Variants in SLC16A4 observed in about 807,000 individuals in gnomAD.
SLC16A4 encodes the protein probable monocarboxylate transporter 5.
A neutral mutation model predicts 47.9 loss-of-function variants in SLC16A4; 39 were observed. The ratio of observed to expected loss-of-function variants is 0.81; its 90% CI spans 0.63 to 1.06. The LOEUF is 1.06. Among genes scored for constraint, SLC16A4 ranks in the 50% least tolerant of loss-of-function variants. The pLI, the probability that SLC16A4 is intolerant of heterozygous loss-of-function variation, is 0.00. For missense variants in SLC16A4, 524 were observed against 573.8 expected (o/e 0.91, Z 0.89); for synonymous variants, 189 against 199.9 (o/e 0.95, Z 0.46).
chr1:110,386,329 C>T (rs1233540902), intron 2 of SLC16A4, among the ~76,000 whole-genome samples: 1 of 152,160 alleles, frequency 6.6e-6, no homozygotes, highest in Non-Finnish European at 1.5e-5. Flanking sequence ...AAAATCTCTC[C>T]CAAGGTCTAG....
intron 7 of SLC16A4, among the ~76,000 whole-genome samples, chr1:110,376,216 A>G (rs1661991148): frequency 6.6e-6 from 1 of 152,192 alleles, no homozygotes; most frequent in South Asian, 2.1e-4. Context: ...CTAAGTATCA[A>G]CCATTGGTTT....
At chr1:110,371,751 A>G (rs1661697865) in intron 8 of SLC16A4, 2 of 152,230 alleles carry the variant, frequency 1.3e-5, no homozygotes, top group South Asian at 4.1e-4. Context: ...AACCTGGAAC[A>G]ATCCTAAAAC....
intron 2 of SLC16A4, among the ~76,000 whole-genome samples, chr1:110,385,731 T>C (rs1418200359): frequency 6.6e-6 from 1 of 152,162 alleles, no homozygotes; most frequent in African/African-American, 2.4e-5. Context: ...TTAATATACT[T>C]TTTCCCATTC....
chr1:110,387,432 G>GT (rs892574742), intron 2 of SLC16A4, among the ~76,000 whole-genome samples: 6 of 152,180 alleles, frequency 3.9e-5, no homozygotes, highest in African/African-American at 1.4e-4. Context: ...AAGAACAGTT[G>GT]TAAGTCATAC....
At chr1:110,380,200 A>G (rs1323404191) in intron 5 of SLC16A4, among the ~76,000 whole-genome samples, 2 of 152,214 alleles carry the variant, frequency 1.3e-5, no homozygotes, top group East Asian at 3.9e-4. Context: ...GCGTGTCCTG[A>G]TCAAAGCTAT....
In SLC16A4 at chr1:110,382,937, C is replaced by G. The variant is rs1255140277; in HGVS notation, c.117G>C (p.Lys39Asn). ...AGACCACAAAGAAAATTGCAAAAGT[C>G]TTGGTCATCCCCATCACAAACACAT... ...LVNVFVMGMT[K>N]TFAIFFVVFQ... The change falls in exon 3 of 9, where the codon AAG becomes AAC. Residue 39 changes from lysine (K) to asparagine (N), a missense_variant. Lys to Asn is a moderately conservative substitution (Grantham distance 94, BLOSUM62 0). Coordinates refer to ENST00000369779, the MANE Select transcript of SLC16A4 (RefSeq NM_004696.3). 6.2e-7 allele frequency: 1 copy of G among 1,611,914 alleles called. No individual in the cohort carries two copies. Among genetic ancestry groups the G allele is most frequent in the East Asian group, 2.2e-5 (1 of 44,840 alleles).
chr1:110,384,972 T>C (rs969970911), intron 2 of SLC16A4, among the ~76,000 whole-genome samples: 2 of 152,096 alleles, frequency 1.3e-5, no homozygotes, highest in Non-Finnish European at 2.9e-5. Context: ...GTGATCACAC[T>C]ACTGCACTCC....
Position 110,378,964 on chromosome 1 carries a change from A to G in SLC16A4, c.919T>C (p.Ser307Pro), listed in dbSNP as rs760466820. The change falls in exon 6 of 9, where the codon TCT (serine) becomes CCT (proline). Residue 307 changes from serine (S) to proline (P), a missense_variant. Physicochemically the swap from Ser to Pro is moderately conservative, Grantham distance 74. Coordinates refer to ENST00000369779, the MANE Select transcript of SLC16A4 (RefSeq NM_004696.3). ...RNPFFYIFTWSFLLSQLAYFI... is the reference protein window; with the variant it reads ...RNPFFYIFTWPFLLSQLAYFI... ...TATGCTAACTGACTGAGGAGAAAAG[A>G]CCAAGTAAATATGTAGAAGAAAGGA... The G allele has an allele frequency of 6.2e-7, 1 of 1,614,246 alleles. No homozygotes were observed. Among genetic ancestry groups the G allele is most frequent in the Admixed American group, 1.7e-5 (1 of 60,026 alleles).
chr1:110,374,410 G>A (rs1392284006), intron 8 of SLC16A4, among the ~76,000 whole-genome samples: 1 of 152,114 alleles, frequency 6.6e-6, no homozygotes, highest in African/African-American at 2.4e-5. Flanking sequence ...AATGATAGTA[G>A]GACAAGATTA....
chr1:110,372,388 A>C (rs1166614317), intron 8 of SLC16A4: 1 of 152,202 alleles, frequency 6.6e-6, no homozygotes, highest in Non-Finnish European at 1.5e-5. Flanking sequence ...TGAAGATCTA[A>C]GTTTGGTTGA....
chr1:110,373,153 CTAT>C (rs1661775556), intron 8 of SLC16A4: 1 of 152,050 alleles, frequency 6.6e-6, no homozygotes. Flanking sequence ...GAGTATTGAA[CTAT>C]TTAAACATTT....
chr1:110,374,560 G>A (rs1557905125), intron 8 of SLC16A4, among the ~76,000 whole-genome samples: 1 of 152,182 alleles, frequency 6.6e-6, no homozygotes, highest in Non-Finnish European at 1.5e-5. Flanking sequence ...AGAAACTAAA[G>A]TTTAGGTCTG....
chr1:110,363,766 T>C lies in SLC16A4; in HGVS notation c.1464A>G (p.Ter488TrpextTer16), dbSNP rs1661208635. The change falls in exon 9 of 9, where the codon TGA becomes TGG. Residue 488 changes from the stop codon to tryptophan, a stop_lost. Coordinates refer to ENST00000369779, the MANE Select transcript of SLC16A4 (RefSeq NM_004696.3). ...LAERWKNSLT[*>W] ...TCACTTGATTGCAGTCTTCTTTCTT[T>C]CAGGTCAGACTGTTTTTCCATCTTT... is the stretch of plus-strand genomic sequence containing the variant. The C allele has an allele frequency of 3.1e-6, 5 of 1,602,526 alleles. No homozygotes were observed. In the East Asian group the frequency reaches 1.1e-4, roughly 36 times the overall value.
At chr1:110,386,210 T>G (rs1376752243) in intron 2 of SLC16A4, among the ~76,000 whole-genome samples, 1 of 152,224 alleles carries the variant, frequency 6.6e-6, no homozygotes, top group Non-Finnish European at 1.5e-5. Context: ...TGAGTCCGTG[T>G]CCACTATGTA....
chr1:110,380,074 G>C (rs989729963), intron 5 of SLC16A4, among the ~76,000 whole-genome samples: 1 of 75,468 alleles, frequency 1.3e-5, no homozygotes. Flanking sequence ...AAAAAAAAAA[G>C]CAGCGGGAGG....
intron 8 of SLC16A4, among the ~76,000 whole-genome samples, chr1:110,365,868 C>T (rs1218041347): frequency 6.6e-6 from 1 of 152,170 alleles, no homozygotes; most frequent in Non-Finnish European, 1.5e-5. Context: ...GTAGACAGTG[C>T]TACTAAAATG....
intron 8 of SLC16A4, chr1:110,375,234 C>G (rs1177524928): frequency 2.3e-6 from 1 of 427,180 alleles, no homozygotes; most frequent in Non-Finnish European, 4.3e-6. Flanking sequence ...TGCCCTACAA[C>G]TCCCAAGAAT....
At chr1:110,382,330 G>T (rs1557912324) in intron 3 of SLC16A4, among the ~76,000 whole-genome samples, 1 of 152,068 alleles carries the variant, frequency 6.6e-6, no homozygotes, top group Non-Finnish European at 1.5e-5. Context: ...ATGGTGGCGG[G>T]CGCCTGTAAT....
chr1:110,379,053 T>G lies in SLC16A4; in HGVS notation c.830A>C (p.Glu277Ala), dbSNP rs748089375. Residue 277 changes from glutamate (E) to alanine (A), a missense_variant, in exon 6 of 9, where the codon GAA becomes GCA. By Grantham distance (107) the Glu-to-Ala change is moderately radical. Transcript: ENST00000369779. ...NRNRLLLKSDEESDKVISWSC... is the reference protein window; with the variant it reads ...NRNRLLLKSDAESDKVISWSC... ...CCACGAAATAACCTTATCACTTTCT[T>G]CATCACTCTTTAATAACAGTCTGTT... 4.3e-6 allele frequency: 7 copies of G among 1,614,238 alleles called. No homozygotes were observed. Among genetic ancestry groups the G allele is most frequent in the Non-Finnish European group, 5.9e-6 (7 of 1,180,038 alleles).
Sources: allele counts gnomAD v4.1 joint callset (sites outside exome capture counted in the v4.1 genomes callset), GRCh38; gene constraint gnomAD v4.1.1; transcripts MANE v1.5; gene names NCBI Gene and HGNC (gene_info 2026-07-23, HGNC 2026-07-21).